Variants in ANKFY1 observed in about 807,000 individuals in gnomAD.
ANKFY1 encodes the protein ankyrin repeat and FYVE domain containing 1.
A neutral mutation model predicts 128.3 loss-of-function variants in ANKFY1; 47 were observed. The ratio of observed to expected loss-of-function variants is 0.37; its 90% CI spans 0.29 to 0.47. The LOEUF (loss-of-function observed/expected upper bound fraction) is 0.47. Ranked by LOEUF, ANKFY1 falls within the 20% of genes least tolerant of loss-of-function variation. The pLI is 1.00. For missense variants in ANKFY1, 1,222 were observed against 1,510.6 expected (o/e 0.81, Z 3.17); for synonymous variants, 553 against 601.6 (o/e 0.92, Z 1.18).
intron 24 of ANKFY1, chr17:4,168,809 C>G (rs779703429): frequency 1.2e-5 from 2 of 173,010 alleles, no homozygotes; most frequent in East Asian, 1.5e-4. Context: ...CCACCGCACC[C>G]GACCTATCTA....
Position 4,185,031 on chromosome 17 carries a change from G to A in ANKFY1, c.1486C>T (p.His496Tyr). 1 of 1,613,148 alleles carries A rather than the reference G, an allele frequency of 6.2e-7. No homozygotes were observed. Among genetic ancestry groups the A allele is most frequent in the Non-Finnish European group, 8.5e-7 (1 of 1,179,974 alleles). Reference protein sequence around the residue: ...HRNKWGETPLHTACRHGLANL... With the variant: ...HRNKWGETPLYTACRHGLANL... ...GCCAGGCCATGCCGACACGCTGTGT[G>A]CAACGGGGTTTCTCCCTGAATGGAA... Residue 496 changes from histidine (H) to tyrosine (Y), a missense_variant, in exon 12 of 25, where the codon CAC becomes TAC. Physicochemically the swap from His to Tyr is moderately conservative, Grantham distance 83 (BLOSUM62 2). Transcript: ENST00000341657.
intron 3 of ANKFY1, chr17:4,223,415 G>C: frequency 1.3e-6 from 2 of 1,502,278 alleles, no homozygotes; most frequent in Non-Finnish European, 1.9e-6. Context: ...CATCCACAAA[G>C]ACCTGGCTGC....
intron 10 of ANKFY1, among the ~76,000 whole-genome samples, chr17:4,192,818 T>C: frequency 6.6e-6 from 1 of 152,134 alleles, no homozygotes; most frequent in East Asian, 1.9e-4. Context: ...CAGTTACAGA[T>C]TTCTTTGTTC....
At chr17:4,234,806 G>A (rs747096291) in intron 3 of ANKFY1, among the ~76,000 whole-genome samples, 1 of 152,006 alleles carries the variant, frequency 6.6e-6, no homozygotes, top group Admixed American at 6.6e-5. Context: ...ACCATACCCG[G>A]CCTTAAAATT....
intron 21 of ANKFY1, among the ~76,000 whole-genome samples, 158 bp downstream of exon 21, chr17:4,173,196 G>A (rs996132022): frequency 3.3e-5 from 5 of 152,190 alleles, no homozygotes; most frequent in Admixed American, 6.5e-5. Flanking sequence ...CAAAAATACC[G>A]GTACCAAAAG....
At chr17:4,189,776 T>TCCACGCCAGACAGTAAGC (rs1567925860) in intron 10 of ANKFY1, among the ~76,000 whole-genome samples, 1 of 144,418 alleles carries the variant, frequency 6.9e-6, no homozygotes, top group African/African-American at 2.7e-5. Flanking sequence ...AGACAGTAGG[T>TCCACGCCAGACAGTAAGC]CCACGCCAGA....
chr17:4,228,197 G>A (rs558132789), intron 3 of ANKFY1, among the ~76,000 whole-genome samples: 46 of 152,308 alleles, frequency 3.0e-4, no homozygotes, highest in African/African-American at 1.1e-3. Context: ...ATACTAAGGT[G>A]TGGGGTGAAT....
intron 18 of ANKFY1, 48 bp from the exon 19 acceptor site, chr17:4,177,350 C>A: frequency 1.3e-6 from 2 of 1,501,262 alleles, no homozygotes; most frequent in Non-Finnish European, 1.8e-6. Context: ...TTTCAGAGTA[C>A]CTCCTGAGCT....
intron 8 of ANKFY1, 39 bp downstream of exon 8, chr17:4,197,334 G>T: frequency 6.2e-7 from 1 of 1,602,762 alleles, no homozygotes; most frequent in South Asian, 1.1e-5. Context: ...TATCTTCTGA[G>T]AACAGTGCTA....
intron 3 of ANKFY1, among the ~76,000 whole-genome samples, chr17:4,234,536 G>A (rs1392560929): frequency 6.7e-6 from 1 of 150,106 alleles, no homozygotes; most frequent in Admixed American, 6.7e-5. Context: ...ACAGGGTCTT[G>A]TTCTGTTGCC....
At chr17:4,196,435 C>T (rs1008164355) in intron 8 of ANKFY1, among the ~76,000 whole-genome samples, 1 of 152,042 alleles carries the variant, frequency 6.6e-6, no homozygotes, top group East Asian at 1.9e-4. Flanking sequence ...TAATGACAAG[C>T]GGGTCCCAAC....
chr17:4,254,190 G>C (rs1248528949), intron 1 of ANKFY1, among the ~76,000 whole-genome samples: 1 of 151,354 alleles, frequency 6.6e-6, no homozygotes, highest in Non-Finnish European at 1.5e-5. Flanking sequence ...TGTAGTCCCA[G>C]CTACTCGGGA....
At chr17:4,237,069 G>T (rs1489184820) in intron 2 of ANKFY1, among the ~76,000 whole-genome samples, 1 of 152,078 alleles carries the variant, frequency 6.6e-6, no homozygotes, top group African/African-American at 2.4e-5. Context: ...CCAGGAGGCA[G>T]AGGTTGCAGT....
chr17:4,194,414 T>G (rs1002047598), intron 10 of ANKFY1: 1 of 151,716 alleles, frequency 6.6e-6, no homozygotes, highest in Non-Finnish European at 1.5e-5. Flanking sequence ...TGGCCAACCT[T>G]TAATTATTAA....
intron 1 of ANKFY1, among the ~76,000 whole-genome samples, chr17:4,250,695 T>C (rs954728921): frequency 2.0e-5 from 3 of 151,924 alleles, no homozygotes; most frequent in African/African-American, 7.3e-5. Context: ...AGAAACAGGG[T>C]CTCCCTCTGT....
chr17:4,261,487 G>C (rs914835852), intron 1 of ANKFY1, among the ~76,000 whole-genome samples: 8 of 152,204 alleles, frequency 5.3e-5, no homozygotes, highest in Non-Finnish European at 1.0e-4. Flanking sequence ...CAAAAGGAAA[G>C]GGGAAGGGAA....
At chr17:4,172,904 G>C (rs184860676) in intron 21 of ANKFY1, among the ~76,000 whole-genome samples, 58 of 152,372 alleles carry the variant, frequency 3.8e-4, no homozygotes, top group Admixed American at 3.6e-3. Flanking sequence ...CTGTCACCCA[G>C]GCTGGAGTGC....
chr17:4,212,922 C>T (rs1437305895), intron 4 of ANKFY1, among the ~76,000 whole-genome samples: 3 of 151,636 alleles, frequency 2.0e-5, no homozygotes, highest in Non-Finnish European at 4.4e-5. Flanking sequence ...AGGCATGTGC[C>T]GCCACACCCA....
intron 11 of ANKFY1, among the ~76,000 whole-genome samples, chr17:4,185,924 G>A (rs2059603536): frequency 6.6e-6 from 1 of 151,968 alleles, no homozygotes; most frequent in Non-Finnish European, 1.5e-5. Flanking sequence ...CCGTCTCTGT[G>A]GCCTGCTTGT....
Sources: allele counts gnomAD v4.1 joint callset (sites outside exome capture counted in the v4.1 genomes callset), GRCh38; gene constraint gnomAD v4.1.1; transcripts MANE v1.5; gene names NCBI Gene and HGNC (gene_info 2026-07-23, HGNC 2026-07-21).